SPAG1: variants seen among roughly 807,000 people sequenced by gnomAD.
The protein encoded by SPAG1 is sperm-associated antigen 1.
Under a neutral mutation model 100.5 loss-of-function variants are expected in SPAG1, and 69 were observed. That is an observed-to-expected ratio of 0.69 (90% CI 0.57 to 0.84). SPAG1 has a LOEUF of 0.84. Among genes scored for constraint, SPAG1 ranks in the 40% least tolerant of loss-of-function variants. The pLI, the probability that SPAG1 is intolerant of heterozygous loss-of-function variation, is 0.00. For missense variants in SPAG1, 955 were observed against 1,133.1 expected (o/e 0.84, Z 2.26); for synonymous variants, 336 against 411.6 (o/e 0.82, Z 2.22).
chr8:100,227,841 A>ATTTTTTTTTTTTTTTTTTTTTTTTTTT (rs34049816), intron 14 of SPAG1, among the ~76,000 whole-genome samples: 2 of 103,796 alleles, frequency 1.9e-5, no homozygotes, highest in Non-Finnish European at 1.8e-5. Context: ...ATTGTGTCAG[A>ATTTTTTTTTTTTTTTTTTTTTTTTTTT]TTTTTTTTTT....
At position 100,213,312 on chromosome 8, in the gene SPAG1, A is replaced by C; in HGVS notation, c.1319A>C (p.Gln440Pro). 5.7e-6 allele frequency: 7 copies of C among 1,237,274 alleles called. No individual in the cohort carries two copies. Among genetic ancestry groups the C allele is most frequent in the East Asian group, 3.2e-5 (1 of 30,874 alleles). The allele number at this position is 1,237,274 out of a possible 1,614,324, so 76.6% of individuals were successfully genotyped here. A position where few individuals can be genotyped will look rare whatever the true frequency, so the allele number is the denominator to read the frequency against. ...GGATGHPGGG[Q>P]GAENPAGLKS... ...GCCACCGGGCATCCGGGCGGCGGGC[A>C]GGGCGCGGAGAACCCTGCCGGCCTG... Residue 440 changes from glutamine to proline, a missense_variant, in exon 11 of 19, where the codon CAG becomes CCG. Gln to Pro is a moderately conservative substitution (Grantham distance 76). Coordinates refer to ENST00000388798, the MANE Select transcript of SPAG1 (RefSeq NM_003114.5).
intron 10 of SPAG1, among the ~76,000 whole-genome samples, chr8:100,201,356 C>A (rs1310244138): frequency 6.6e-6 from 1 of 152,062 alleles, no homozygotes; most frequent in Non-Finnish European, 1.5e-5. Context: ...AACCCCTGGG[C>A]TCAAGACATT....
At chr8:100,164,266 G>C (rs1476145323) in intron 2 of SPAG1, among the ~76,000 whole-genome samples, 1 of 152,076 alleles carries the variant, frequency 6.6e-6, no homozygotes, top group Non-Finnish European at 1.5e-5. Flanking sequence ...GAATTTATGA[G>C]CTTAATATCA....
intron 10 of SPAG1, among the ~76,000 whole-genome samples, chr8:100,207,920 C>A (rs1487117455): frequency 1.3e-5 from 2 of 152,124 alleles, no homozygotes; most frequent in East Asian, 3.9e-4. Context: ...CAATACTTTG[C>A]AGGGCTGGGG....
At chr8:100,202,415 G>C (rs1011793815) in intron 10 of SPAG1, among the ~76,000 whole-genome samples, 5 of 151,338 alleles carry the variant, frequency 3.3e-5, no homozygotes, top group African/African-American at 1.2e-4. Context: ...CCCTTGTCAA[G>C]AATCAACTGG....
At chr8:100,226,646 T>C (rs1818527034) in intron 14 of SPAG1, among the ~76,000 whole-genome samples, 1 of 151,914 alleles carries the variant, frequency 6.6e-6, no homozygotes, top group South Asian at 2.1e-4. Flanking sequence ...GAGGCTGCAG[T>C]GAGCTGTGAT....
At chr8:100,229,673 A>G (rs1818678438) in intron 14 of SPAG1, among the ~76,000 whole-genome samples, 1 of 152,210 alleles carries the variant, frequency 6.6e-6, no homozygotes, top group Non-Finnish European at 1.5e-5. Flanking sequence ...ATGAATATTG[A>G]GGTCCTGGAA....
At chr8:100,206,597 C>T (rs1183642222) in intron 10 of SPAG1, among the ~76,000 whole-genome samples, 3 of 152,088 alleles carry the variant, frequency 2.0e-5, no homozygotes, top group Non-Finnish European at 4.4e-5. Context: ...AGTAAAATTT[C>T]CTGGGTTCCG....
intron 15 of SPAG1, among the ~76,000 whole-genome samples, chr8:100,232,971 G>A (rs762860541): frequency 4.7e-4 from 71 of 152,068 alleles, no homozygotes; most frequent in Non-Finnish European, 3.7e-4. Flanking sequence ...TCCACTCCCC[G>A]CTACCTCCAT....
chr8:100,213,209 C>G lies in SPAG1; in HGVS notation c.1216C>G (p.Arg406Gly), dbSNP rs1364408511. Residue 406 changes from arginine (R) to glycine (G), a missense_variant, in exon 11 of 19, where the codon CGG becomes GGG. Coordinates refer to ENST00000388798, the MANE Select transcript of SPAG1 (RefSeq NM_003114.5). ...GKRPARGAPQ[R>G]GQTPEAGADK... is the part of the protein sequence containing the mutation. ...GCGGCCGGCAAGGGGCGCGCCGCAG[C>G]GGGGCCAGACCCCGGAGGCCGGCGC... 8.3e-6 allele frequency: 12 copies of G among 1,437,998 alleles called. No homozygotes were observed. The highest frequency in any genetic ancestry group is 1.1e-5 in the Non-Finnish European group (12 of 1,098,582). 89.1% of individuals were successfully genotyped at this position (1,437,998 alleles called of 1,614,324 possible). A position where few individuals can be genotyped will look rare whatever the true frequency, so the allele number is the denominator to read the frequency against.
intron 10 of SPAG1, among the ~76,000 whole-genome samples, chr8:100,200,534 A>C (rs905482401): frequency 1.3e-5 from 2 of 152,224 alleles, no homozygotes; most frequent in African/African-American, 4.8e-5. Context: ...TGTCTTCCAC[A>C]ATGGTTGAAC....
intron 3 of SPAG1, among the ~76,000 whole-genome samples, chr8:100,171,057 G>C (rs950214445): frequency 2.0e-5 from 3 of 152,132 alleles, no homozygotes; most frequent in Middle Eastern, 3.4e-3. Context: ...TATCATGAAT[G>C]GGTTTTGAAT....
At chr8:100,223,219 C>A (rs1162231017) in intron 13 of SPAG1, among the ~76,000 whole-genome samples, 2 of 152,182 alleles carry the variant, frequency 1.3e-5, no homozygotes, top group Non-Finnish European at 1.5e-5. Flanking sequence ...GTGAACAGTG[C>A]TGCTGTGACC....
intron 16 of SPAG1, among the ~76,000 whole-genome samples, chr8:100,237,740 A>T (rs995076550): frequency 3.9e-5 from 6 of 151,998 alleles, no homozygotes; most frequent in Admixed American, 1.3e-4. Context: ...TGCCCTCTTC[A>T]TGCTTGTCTG....
At chr8:100,162,228 T>C (rs1209738208) in intron 1 of SPAG1, 51 bp from the exon 2 acceptor site, 8 of 1,385,718 alleles carry the variant, frequency 5.8e-6, no homozygotes, top group Admixed American at 4.7e-5. Flanking sequence ...ACTATCCAAA[T>C]TGAGTATTAT....
At chr8:100,214,288 A>G (rs1437417801) in intron 12 of SPAG1, among the ~76,000 whole-genome samples, 1 of 152,198 alleles carries the variant, frequency 6.6e-6, no homozygotes, top group African/African-American at 2.4e-5. Context: ...TGGCTTCGAA[A>G]TAACTGTAAA....
chr8:100,240,405 G>C lies in SPAG1; in HGVS notation c.2283G>C (p.Val761=), dbSNP rs766625479. 26 of 1,587,708 alleles carry C rather than the reference G, an allele frequency of 1.6e-5. No individual in the cohort carries two copies. In the South Asian group the frequency reaches 3.0e-4, roughly 18 times the overall value. The change falls in exon 18 of 19, where the codon GTG becomes GTC. Residue 761 remains valine (V), a splice_region_variant and synonymous_variant. Coordinates refer to ENST00000388798, the MANE Select transcript of SPAG1 (RefSeq NM_003114.5). ...GCATTTTTCTTTTCTTCATGAAGGT[G>C]AATGAAGGCAAGGAGGAGCCTGGAA... is the stretch of plus-strand genomic sequence containing the variant. ...KERRKIEIQE[V]NEGKEEPGRP...
chr8:100,202,097 A>G (rs955604569), intron 10 of SPAG1, among the ~76,000 whole-genome samples: 3 of 152,146 alleles, frequency 2.0e-5, no homozygotes, highest in Admixed American at 6.5e-5. Context: ...ATCTCCAGGT[A>G]TATAGCATCA....
chr8:100,234,569 G>A (rs917438194), intron 16 of SPAG1, among the ~76,000 whole-genome samples: 4 of 152,226 alleles, frequency 2.6e-5, no homozygotes, highest in Non-Finnish European at 5.9e-5. Flanking sequence ...TGTTTATATT[G>A]TGTGGGTATC....
Sources: gnomAD v4.1 joint callset for allele counts (sites outside exome capture counted in the v4.1 genomes callset) on GRCh38, gnomAD v4.1.1 for gene constraint, MANE v1.5 for transcripts, NCBI Gene and HGNC (gene_info 2026-07-23, HGNC 2026-07-21) for gene names.